The following METTL25 variants were observed in gnomAD, a reference collection of about 807,000 sequenced individuals.
METTL25 encodes the protein methyltransferase like 25.
METTL25 carries 64 observed loss-of-function variants against 71.6 expected under a neutral mutation model. The observed-to-expected ratio is 0.89, with a 90% CI of 0.73 to 1.10. The LOEUF (loss-of-function observed/expected upper bound fraction) is 1.10. Ranked by LOEUF, METTL25 falls within the 50% of genes least tolerant of loss-of-function variation. METTL25 has a pLI of 0.00. For missense variants in METTL25, 807 were observed against 707.0 expected (o/e 1.14, Z -1.60); for synonymous variants, 287 against 250.3 (o/e 1.15, Z -1.38).
At chr12:82,399,524 G>T in intron 4 of METTL25, 130 bp downstream of exon 4, 1 of 754,130 alleles carries the variant, frequency 1.3e-6, no homozygotes, top group Non-Finnish European at 2.1e-6. Context: ...GAAATCATAA[G>T]TAGGCTTTCA....
chr12:82,409,554 C>G (rs4143189), intron 5 of METTL25, among the ~76,000 whole-genome samples: 1 of 151,932 alleles, frequency 6.6e-6, no homozygotes, highest in Non-Finnish European at 1.5e-5. Context: ...CTAACTGAAC[C>G]ATGATTTTGT....
rs1194843983 is a variant in METTL25 at position 82,398,862 on chromosome 12, T to C, written c.599T>C (p.Val200Ala). Residue 200 changes from valine to alanine, a missense_variant, in exon 4 of 12, where the codon GTT becomes GCT. Val to Ala is a moderately conservative substitution (Grantham distance 64). Transcript: ENST00000248306. Reference sequence around the variant, plus strand: ...TTGTCCTTGAAGTATGGCTTAAAAGTTTATGGAATTGATTCTTCAAATACC... The same window carrying C: ...TTGTCCTTGAAGTATGGCTTAAAAGCTTATGGAATTGATTCTTCAAATACC... ...SFLSLKYGLKVYGIDSSNTNT... is the reference protein window; with the variant it reads ...SFLSLKYGLKAYGIDSSNTNT... 6.3e-7 allele frequency: 1 copy of C among 1,599,310 alleles called. No individual in the cohort carries two copies. The highest frequency in any genetic ancestry group is 1.4e-5 in the African/African-American group (1 of 73,742).
chr12:82,379,452 T>C (rs1241274300), intron 1 of METTL25, among the ~76,000 whole-genome samples: 1 of 152,250 alleles, frequency 6.6e-6, no homozygotes, highest in South Asian at 2.1e-4. Context: ...ACATATTTAA[T>C]TTATTCTTAA....
At position 82,402,888 on chromosome 12, in the gene METTL25, C is replaced by T. The variant is rs145113268; in HGVS notation, c.1132-95C>T. The T allele has an allele frequency of 1.4e-3, 1,294 of 893,512 alleles. 5 individuals are homozygous for T. The highest frequency in any genetic ancestry group is 1.9e-3 in the Non-Finnish European group (1,137 of 595,938). 55.3% of individuals were successfully genotyped at this position (893,512 alleles called of 1,614,324 possible). Reference sequence around the variant, plus strand: ...AATAGCCACCACAGTGCAGCCTGGGCAACATTGCAAGATCCTGTATGTAAA... The same window carrying T: ...AATAGCCACCACAGTGCAGCCTGGGTAACATTGCAAGATCCTGTATGTAAA... On this transcript the variant is annotated intron_variant, in intron 4 of 11. Coordinates refer to ENST00000248306, the MANE Select transcript of METTL25 (RefSeq NM_032230.3).
Position 82,398,999 on chromosome 12 carries a change from A to G in METTL25, c.736A>G (p.Arg246Gly). The change falls in exon 4 of 12, where the codon AGG becomes GGG. Residue 246 changes from arginine to glycine, a missense_variant. Coordinates refer to ENST00000248306, the MANE Select transcript of METTL25 (RefSeq NM_032230.3). The part of the protein sequence containing the change: ...NGLALKMAKE[R>G]KVQNKVKNKA... ...ACTAGCATTAAAAATGGCAAAAGAA[A>G]GGAAAGTGCAAAATAAAGTTAAAAA... 1.2e-6 allele frequency: 2 copies of G among 1,609,088 alleles called. No individual in the cohort carries two copies. Among genetic ancestry groups the G allele is most frequent in the Non-Finnish European group, 1.7e-6 (2 of 1,177,886 alleles).
chr12:82,407,079 T>C (rs1482739228), intron 5 of METTL25, among the ~76,000 whole-genome samples: 5 of 152,206 alleles, frequency 3.3e-5, no homozygotes, highest in South Asian at 4.1e-4. Flanking sequence ...ATGATTTTTA[T>C]TGACCTCCTT....
At chr12:82,439,242 G>A (rs759687574) in intron 8 of METTL25, among the ~76,000 whole-genome samples, 1 of 151,604 alleles carries the variant, frequency 6.6e-6, no homozygotes, top group Non-Finnish European at 1.5e-5. Context: ...TCAGGTCTCT[G>A]CTAGTAGAAT....
intron 9 of METTL25, among the ~76,000 whole-genome samples, chr12:82,467,935 G>C (rs917138036): frequency 6.6e-6 from 1 of 151,592 alleles, no homozygotes; most frequent in African/African-American, 2.4e-5. Context: ...TATTTGCTTG[G>C]TGGTCTTAAG....
At chr12:82,361,023 G>A (rs551213663) in intron 1 of METTL25, among the ~76,000 whole-genome samples, 10 of 152,276 alleles carry the variant, frequency 6.6e-5, no homozygotes, top group East Asian at 5.8e-4. Flanking sequence ...AGGAGTGAAA[G>A]AACAAAGCTT....
chr12:82,424,236 G>A (rs1888787049), intron 5 of METTL25, among the ~76,000 whole-genome samples: 1 of 152,146 alleles, frequency 6.6e-6, no homozygotes, highest in Non-Finnish European at 1.5e-5. Flanking sequence ...GTCCTTTGTA[G>A]GGATATGGAT....
At chr12:82,362,405 C>G (rs1882051065) in intron 1 of METTL25, among the ~76,000 whole-genome samples, 1 of 152,160 alleles carries the variant, frequency 6.6e-6, no homozygotes, top group Non-Finnish European at 1.5e-5. Context: ...ATGGGGGTAA[C>G]TTTAGTACCT....
chr12:82,397,883 T>C (rs999547354), intron 3 of METTL25, among the ~76,000 whole-genome samples: 1 of 152,092 alleles, frequency 6.6e-6, no homozygotes, highest in African/African-American at 2.4e-5. Flanking sequence ...CTACACTGTT[T>C]TAGTTTTATA....
intron 8 of METTL25, among the ~76,000 whole-genome samples, chr12:82,456,328 C>T (rs985529197): frequency 3.3e-5 from 5 of 151,870 alleles, no homozygotes; most frequent in Admixed American, 6.6e-5. Flanking sequence ...AAGAAGTTCT[C>T]TTTGCATAGC....
At chr12:82,434,753 G>A (rs993793103) in intron 7 of METTL25, 29 bp downstream of exon 7, 11 of 1,601,116 alleles carry the variant, frequency 6.9e-6, no homozygotes, top group South Asian at 3.3e-5. Context: ...TGATGAACAC[G>A]ACAGTTTTTC....
chr12:82,398,107 T>C (rs1238109265), intron 3 of METTL25, among the ~76,000 whole-genome samples: 1 of 151,992 alleles, frequency 6.6e-6, no homozygotes, highest in Non-Finnish European at 1.5e-5. Flanking sequence ...GTATATCTCT[T>C]TATATCAATT....
chr12:82,414,400 C>T (rs11834878), intron 5 of METTL25, among the ~76,000 whole-genome samples: 4 of 152,158 alleles, frequency 2.6e-5, no homozygotes, highest in African/African-American at 9.6e-5. Flanking sequence ...GGGGCATGTT[C>T]TTGCTGCCTA....
In METTL25 at chr12:82,364,616, G is replaced by A. The variant is rs945629100; in HGVS notation, c.259+5792G>A. Among the ~76,000 whole-genome samples the A allele has an allele frequency of 2.0e-5, 3 of 152,104 alleles. No individual in the cohort carries two copies. In the South Asian group the frequency reaches 6.2e-4, roughly 32 times the overall value. ...TTTTCTTTCCTTTTTTAAAAGTAGG[G>A]ATAATATTACCTACCTTCTAGGACA... On this transcript the variant is annotated intron_variant, in intron 1 of 11. Coordinates refer to ENST00000248306, the MANE Select transcript of METTL25 (RefSeq NM_032230.3).
intron 8 of METTL25, among the ~76,000 whole-genome samples, chr12:82,452,231 A>G (rs1342206520): frequency 6.6e-6 from 1 of 152,200 alleles, no homozygotes; most frequent in Non-Finnish European, 1.5e-5. Flanking sequence ...GCCATTCCTG[A>G]AAAATATAAC....
At chr12:82,398,219 TG>T (rs1343588612) in intron 3 of METTL25, among the ~76,000 whole-genome samples, 1 of 151,610 alleles carries the variant, frequency 6.6e-6, no homozygotes, top group African/African-American at 2.4e-5. Context: ...CTATTTTAAT[TG>T]TTTTAAAATT....
Sources: gnomAD v4.1 joint callset for allele counts (sites outside exome capture counted in the v4.1 genomes callset) on GRCh38, gnomAD v4.1.1 for gene constraint, MANE v1.5 for transcripts, NCBI Gene and HGNC (gene_info 2026-07-23, HGNC 2026-07-21) for gene names.